The following TPRG1 variants were observed in gnomAD, a reference collection of about 807,000 sequenced individuals.
The protein encoded by TPRG1 is tumor protein p63 regulated 1, also known as tumor protein p63-regulated gene 1 protein.
In TPRG1, 29 loss-of-function variants were observed where a neutral mutation model predicts 29.3. The observed-to-expected ratio is 0.99, with a 90% CI of 0.74 to 1.35. The LOEUF (loss-of-function observed/expected upper bound fraction) is 1.35, where lower values mean the gene tolerates loss of function less well. TPRG1 is among the 40% of genes most tolerant of loss of function. The pLI, the probability that TPRG1 is intolerant of heterozygous loss-of-function variation, is 0.00. For missense variants in TPRG1, 327 were observed against 335.0 expected (o/e 0.98, Z 0.19); for synonymous variants, 130 against 116.8 (o/e 1.11, Z -0.73).
intron 4 of TPRG1, among the ~76,000 whole-genome samples, chr3:189,073,628 A>G (rs778543483): frequency 5.9e-5 from 9 of 152,096 alleles, no homozygotes; most frequent in Non-Finnish European, 8.8e-5. Context: ...GAATATGTAG[A>G]TCATTATGAT....
chr3:189,156,374 T>C (rs1266777493), intron 5 of TPRG1, among the ~76,000 whole-genome samples: 1 of 151,594 alleles, frequency 6.6e-6, no homozygotes, highest in Non-Finnish European at 1.5e-5. Flanking sequence ...AAAAAAATTA[T>C]GTTGTGTTAA....
intron 3 of TPRG1, chr3:189,219,855 T>C (rs1004600248): frequency 4.0e-6 from 3 of 753,252 alleles, no homozygotes; most frequent in Non-Finnish European, 4.9e-6. Context: ...TAAAAGATAC[T>C]TAAAATATGT....
intron 4 of TPRG1, chr3:189,024,093 A>G (rs1039577483): frequency 1.4e-4 from 21 of 152,650 alleles, no homozygotes; most frequent in Admixed American, 5.9e-4. Flanking sequence ...AGGCTAGACC[A>G]GCTGAAACGT....
In TPRG1 at chr3:189,066,914, G is replaced by GA. The variant is rs746496045; in HGVS notation, c.-463+42973dup. 2.6e-5 allele frequency among the ~76,000 whole-genome samples: 4 copies of GA among 152,126 alleles called. No homozygotes were observed. In the East Asian group the frequency reaches 7.7e-4, roughly 29 times the overall value. ...TGTGGATGATACAATCTATCATTTG[G>GA]AAAAACCTAAAGACTCCACCAAAAA... On this transcript the variant is annotated intron_variant, in intron 4 of 10. Coordinates refer to the TPRG1 transcript ENST00000433971.
chr3:189,277,195 C>A (rs541451110), intron 4 of TPRG1, among the ~76,000 whole-genome samples: 1 of 152,174 alleles, frequency 6.6e-6, no homozygotes, highest in Non-Finnish European at 1.5e-5. Context: ...CAATCCCCAG[C>A]CCTCCAAGGG....
intron 1 of TPRG1, among the ~76,000 whole-genome samples, chr3:189,187,162 A>G (rs922726791): frequency 1.3e-5 from 2 of 151,372 alleles, no homozygotes; most frequent in Non-Finnish European, 2.9e-5. Flanking sequence ...AATTTTTTGT[A>G]CTTTTGGTAG....
At chr3:189,016,481 T>C (rs1182281183) in intron 3 of TPRG1, among the ~76,000 whole-genome samples, 4 of 152,002 alleles carry the variant, frequency 2.6e-5, no homozygotes, top group South Asian at 4.2e-4. Context: ...GTTAAGACAT[T>C]GGGGGACTGT....
chr3:189,209,618 C>A (rs1734949954), intron 2 of TPRG1, among the ~76,000 whole-genome samples: 2 of 152,102 alleles, frequency 1.3e-5, no homozygotes, highest in Non-Finnish European at 2.9e-5. Flanking sequence ...AATGAAGTGA[C>A]CTGTCCAAAT....
chr3:189,184,670 G>A (rs1213304935), intron 1 of TPRG1, among the ~76,000 whole-genome samples: 1 of 152,162 alleles, frequency 6.6e-6, no homozygotes, highest in Non-Finnish European at 1.5e-5. Flanking sequence ...TGTTATCACT[G>A]TTGTCCTCAT....
At chr3:189,007,096 A>G (rs1294289707) in intron 3 of TPRG1, among the ~76,000 whole-genome samples, 2 of 152,066 alleles carry the variant, frequency 1.3e-5, no homozygotes, top group Non-Finnish European at 2.9e-5. Flanking sequence ...AACTACCATC[A>G]GAGTGAACAG....
At chr3:189,133,052 G>A (rs1043514699) in intron 3 of TPRG1, among the ~76,000 whole-genome samples, 1 of 152,296 alleles carries the variant, frequency 6.6e-6, no homozygotes, top group African/African-American at 2.4e-5. Flanking sequence ...GGAAAACAGA[G>A]GTGGGTCTTG....
intron 4 of TPRG1, among the ~76,000 whole-genome samples, chr3:189,067,851 C>G (rs1482857649): frequency 6.6e-6 from 1 of 152,032 alleles, no homozygotes; most frequent in African/African-American, 2.4e-5. Flanking sequence ...AAAGCTTCTG[C>G]ACAACAAAGG....
upstream of TPRG1, among the ~76,000 whole-genome samples, chr3:189,168,417 G>A (rs529906489): frequency 3.4e-4 from 52 of 152,234 alleles, no homozygotes; most frequent in Middle Eastern, 3.4e-3. Context: ...AGGCCTTGTA[G>A]GGCTGTGAAG....
rs570303639 is a variant in TPRG1, at chr3:189,089,871, T to A, written c.-462-37186T>A. On this transcript the variant is annotated intron_variant, in intron 4 of 10. Coordinates refer to the TPRG1 transcript ENST00000433971. ...CAAACATTTAAACCATAGCAACTGA[T>A]AATAATATTTTTTATTTTGTTTGTC... 9.8e-5 allele frequency among the ~76,000 whole-genome samples: 15 copies of A among 152,312 alleles called. No individual in the cohort carries two copies. In the South Asian group the frequency reaches 2.3e-3, roughly 23 times the overall value.
At chr3:189,290,035 TA>T (rs879517664) in intron 4 of TPRG1, among the ~76,000 whole-genome samples, 10 of 152,214 alleles carry the variant, frequency 6.6e-5, no homozygotes, top group South Asian at 2.1e-4. Flanking sequence ...TATATGGTTT[TA>T]ATGATAAAAC....
At chr3:189,277,433 A>G (rs1716354207) in intron 4 of TPRG1, among the ~76,000 whole-genome samples, 1 of 152,236 alleles carries the variant, frequency 6.6e-6, no homozygotes, top group Non-Finnish European at 1.5e-5. Flanking sequence ...GGTGGAAAAA[A>G]TGCAGTCAAT....
Position 189,320,682 on chromosome 3 carries a change from A to G in TPRG1, c.690A>G (p.Ser230=). The G allele has an allele frequency of 6.2e-7, 1 of 1,612,628 alleles. No individual in the cohort carries two copies. Among genetic ancestry groups the G allele is most frequent in the Non-Finnish European group, 8.5e-7 (1 of 1,179,268 alleles). ...CTATCCAGAATGCCCACAAGAATTC[A>G]ACTGGATCTGGAAGAGGAAAGAAAC... ...VPAIQNAHKN[S]TGSGRGKKLM... Residue 230 remains serine (S), a synonymous_variant, in exon 6 of 6, where the codon TCA becomes TCG. Transcript: ENST00000345063.
chr3:189,155,970 T>C (rs973549116), intron 5 of TPRG1, among the ~76,000 whole-genome samples: 3 of 152,080 alleles, frequency 2.0e-5, no homozygotes, highest in African/African-American at 7.2e-5. Flanking sequence ...GCTGAGAGAG[T>C]AGATGGTAAA....
At chr3:189,014,322 G>C (rs1275945483) in intron 3 of TPRG1, among the ~76,000 whole-genome samples, 1 of 152,148 alleles carries the variant, frequency 6.6e-6, no homozygotes, top group Non-Finnish European at 1.5e-5. Context: ...CTTTAAGAAA[G>C]TTGAATACTG....
Sources: gnomAD v4.1 joint callset for allele counts (sites outside exome capture counted in the v4.1 genomes callset) on GRCh38, gnomAD v4.1.1 for gene constraint, MANE v1.5 for transcripts, NCBI Gene and HGNC (gene_info 2026-07-23, HGNC 2026-07-21) for gene names.